Variants in UTP25 observed in about 807,000 individuals in gnomAD.
UTP25 encodes the protein U3 small nucleolar RNA-associated protein 25 homolog.
Under a neutral mutation model 78.9 loss-of-function variants are expected in UTP25, and 50 were observed. That is an observed-to-expected ratio of 0.63 (90% confidence interval 0.50 to 0.80). The LOEUF (loss-of-function observed/expected upper bound fraction) is 0.80. Ranked by LOEUF, UTP25 falls within the 30% of genes least tolerant of loss-of-function variation. UTP25 has a pLI of 0.00. For synonymous variants in UTP25, 329 were observed against 336.5 expected, an observed-to-expected ratio of 0.98 and a Z score of 0.24; for missense variants, 846 against 911.3, an observed-to-expected ratio of 0.93 and a Z score of 0.92.
At chr1:209,850,207 G>A (rs1318886990) in intron 11 of UTP25, among the ~76,000 whole-genome samples, 1 of 152,212 alleles carries the variant, frequency 6.6e-6, no homozygotes, top group Non-Finnish European at 1.5e-5. Context: ...AGCAGAAGTA[G>A]AACTCAGTGT....
At position 209,839,060 on chromosome 1, in the gene UTP25, C is replaced by T; in HGVS notation, c.1214C>T (p.Pro405Leu). ...EYGSDPEERP[P>L]NLKRPEDYEA... is the part of the protein sequence containing the mutation. ...GGATCAGATCCCGAGGAGAGACCAC[C>T]CAACTTGAAGAGGCCTGAGGATTAT... Residue 405 changes from proline to leucine, a missense_variant, in exon 7 of 12, where the codon CCC becomes CTC. By Grantham distance (98) the Pro-to-Leu change is moderately conservative. Coordinates refer to ENST00000491415, the MANE Select transcript of UTP25 (RefSeq NM_014388.7). The T allele has an allele frequency of 2.1e-5, 34 of 1,614,022 alleles. No individual in the cohort carries two copies. The highest frequency in any genetic ancestry group is 1.7e-4 in the Middle Eastern group (1 of 6,060).
intron 11 of UTP25, among the ~76,000 whole-genome samples, chr1:209,845,798 C>G (rs2078193557): frequency 9.7e-6 from 1 of 103,450 alleles, no homozygotes; most frequent in South Asian, 3.2e-4. Context: ...GTGTGCAGTG[C>G]CTTTGTGATT....
rs2078249503 is a variant in UTP25, at chr1:209,852,933, C to T, written c.*1486C>T. The T allele has an allele frequency of 1.3e-5, 2 of 152,204 alleles. No individual in the cohort carries two copies. Among genetic ancestry groups the T allele is most frequent in the African/African-American group, 4.8e-5 (2 of 41,446 alleles). The allele number at this position is 152,204 out of a possible 1,614,324, so 9.4% of individuals were successfully genotyped here. On this transcript the variant is annotated 3_prime_UTR_variant, in exon 12 of 12. Transcript: ENST00000491415. ...CACAGGATTGCTTCTCATTTTCTTT[C>T]CATATTGATAACTCCTTTCTCAGAC... is the stretch of plus-strand genomic sequence containing the variant.
At chr1:209,831,799 T>C (rs1450529160) in intron 3 of UTP25, among the ~76,000 whole-genome samples, 1 of 152,242 alleles carries the variant, frequency 6.6e-6, no homozygotes, top group African/African-American at 2.4e-5. Context: ...TAGAAATTCA[T>C]ATAAATTGAA....
rs2078275793 is a variant in UTP25, at chr1:209,856,347, A to G, written c.*4900A>G. On this transcript the variant is annotated 3_prime_UTR_variant, in exon 12 of 12. Transcript: ENST00000491415. ...CACCCCTTGCAGTAAAATGTGGCCCATGAGACAGAAGCACTAACTACTGAG... is the reference window on the plus strand; with the variant it reads ...CACCCCTTGCAGTAAAATGTGGCCCGTGAGACAGAAGCACTAACTACTGAG... The G allele has an allele frequency of 6.6e-6, 1 of 152,276 alleles. No homozygotes were observed. Among genetic ancestry groups the G allele is most frequent in the Non-Finnish European group, 1.5e-5 (1 of 68,068 alleles). The allele number at this position is 152,276 out of a possible 1,614,324, so 9.4% of individuals were successfully genotyped here.
In UTP25 at chr1:209,828,039, A is replaced by T. The variant is rs2078077980; in HGVS notation, c.-25A>T. On this transcript the variant is annotated 5_prime_UTR_variant, in exon 1 of 12. In the 5' UTR this introduces an upstream ATG that the reference lacks. Coordinates refer to ENST00000491415, the MANE Select transcript of UTP25 (RefSeq NM_014388.7). ...CTGGTGGAAAACCGCGACTCTTGCAAGTGGGCAAACTTGACGTTTTCGCTA... is the reference window on the plus strand; with the variant it reads ...CTGGTGGAAAACCGCGACTCTTGCATGTGGGCAAACTTGACGTTTTCGCTA... 1.3e-6 allele frequency: 2 copies of T among 1,598,778 alleles called. No individual in the cohort carries two copies. The highest frequency in any genetic ancestry group is 1.7e-4 in the Middle Eastern group (1 of 6,050).
Position 209,836,879 on chromosome 1 carries a change from T to C in UTP25, c.730T>C (p.Leu244=). ...ETFKPPKDID[L]KSLHLQKPLE... is the part of the protein sequence containing the mutation. The stretch of plus-strand genomic sequence containing the variant: ...ATTTAAACCCCCAAAGGATATTGAC[T>C]TAAAGTCACTTCATCTCCAGAAGCC... The change falls in exon 6 of 12, where the codon TTA becomes CTA. Residue 244 remains leucine, a synonymous_variant. Coordinates refer to ENST00000491415, the MANE Select transcript of UTP25 (RefSeq NM_014388.7). 1 of 1,614,112 alleles carries C rather than the reference T, an allele frequency of 6.2e-7. No individual in the cohort carries two copies. The highest frequency in any genetic ancestry group is 8.5e-7 in the Non-Finnish European group (1 of 1,180,014).
chr1:209,837,161 G>A lies in UTP25; in HGVS notation c.1012G>A (p.Gly338Arg). 6.2e-7 allele frequency: 1 copy of A among 1,614,124 alleles called. No homozygotes were observed. The highest frequency in any genetic ancestry group is 1.1e-5 in the South Asian group (1 of 91,082). The change falls in exon 6 of 12, where the codon GGA becomes AGA. Residue 338 changes from glycine to arginine, a missense_variant. Gly to Arg is a moderately radical substitution (Grantham distance 125). Transcript: ENST00000491415. ...TAGCAGACGCCGAAGCCAGAAGTTT[G>A]GAGTGGGTGATGATGATGACTTCAG... The part of the protein sequence containing the change: ...NNSRRRSQKF[G>R]VGDDDDFRDQ...
intron 11 of UTP25, among the ~76,000 whole-genome samples, chr1:209,848,775 G>A (rs1023110224): frequency 2.0e-5 from 3 of 152,176 alleles, no homozygotes; most frequent in African/African-American, 7.2e-5. Flanking sequence ...CTCATTGTTT[G>A]GATGTCTTTT....
intron 6 of UTP25, among the ~76,000 whole-genome samples, chr1:209,837,917 T>C (rs188812882): frequency 2.6e-5 from 4 of 152,340 alleles, no homozygotes; most frequent in African/African-American, 7.2e-5. Flanking sequence ...AATTTTCTCA[T>C]TGAGTTTAAT....
At position 209,851,572 on chromosome 1, in the gene UTP25, A is replaced by C; in HGVS notation, c.*125A>C. ...CAAAGAAAGTGCATGAGGCAATGTC[A>C]GTATTATCTGACATCTTTCTTTTCA... On this transcript the variant is annotated 3_prime_UTR_variant, in exon 12 of 12. Coordinates refer to ENST00000491415, the MANE Select transcript of UTP25 (RefSeq NM_014388.7). 4 of 1,247,820 alleles carry C rather than the reference A, an allele frequency of 3.2e-6. No homozygotes were observed. The highest frequency in any genetic ancestry group is 4.3e-6 in the Non-Finnish European group (4 of 921,348). The allele number at this position is 1,247,820 out of a possible 1,614,324, so 77.3% of individuals were successfully genotyped here. A position where few individuals can be genotyped will look rare whatever the true frequency, so the allele number is the denominator to read the frequency against.
intron 1 of UTP25, among the ~76,000 whole-genome samples, chr1:209,828,601 AC>A (rs1011846759): frequency 1.3e-4 from 19 of 148,868 alleles, no homozygotes; most frequent in African/African-American, 4.7e-4. Context: ...ATGGGGTTTC[AC>A]CATGTTGGCC....
rs573110317 is a variant in UTP25 at position 209,852,456 on chromosome 1, G to C, written c.*1009G>C. 4.6e-5 allele frequency: 7 copies of C among 152,268 alleles called. No individual in the cohort carries two copies. The South Asian group carries it at 1.5e-3, about 32-fold the overall frequency. 9.4% of individuals were successfully genotyped at this position (152,268 alleles called of 1,614,324 possible). A position where few individuals can be genotyped will look rare whatever the true frequency, so the allele number is the denominator to read the frequency against. ...CTGGTCCCAAGCATTTCAGATAAGA[G>C]ATATTCAACTCATCCTAGTATGGAC... On this transcript the variant is annotated 3_prime_UTR_variant, in exon 12 of 12. Coordinates refer to ENST00000491415, the MANE Select transcript of UTP25 (RefSeq NM_014388.7).
At position 209,856,616 on chromosome 1, in the gene UTP25, T is replaced by G. The variant is rs2078278032; in HGVS notation, c.*5169T>G. ...TGAACACACAAACACCTAATTTGTT[T>G]AAGCCATTAGGCCAGGCCTCTATTA... is the stretch of plus-strand genomic sequence containing the variant. On this transcript the variant is annotated 3_prime_UTR_variant, in exon 12 of 12. Transcript: ENST00000491415. 6.6e-6 allele frequency: 1 copy of G among 152,272 alleles called. No individual in the cohort carries two copies. Among genetic ancestry groups the G allele is most frequent in the South Asian group, 2.1e-4 (1 of 4,834 alleles). 9.4% of individuals were successfully genotyped at this position (152,272 alleles called of 1,614,324 possible). A position where few individuals can be genotyped will look rare whatever the true frequency, so the allele number is the denominator to read the frequency against.
chr1:209,844,309 A>G (rs532489069), intron 11 of UTP25: 1 of 152,356 alleles, frequency 6.6e-6, no homozygotes, highest in African/African-American at 2.4e-5. Context: ...CTTTGACAAA[A>G]TAAGTTGATT....
At position 209,835,386 on chromosome 1, in the gene UTP25, G is replaced by A. The variant is rs574585751; in HGVS notation, c.651+223G>A. Among the ~76,000 whole-genome samples the A allele has an allele frequency of 7.9e-5, 12 of 152,246 alleles. No individual in the cohort carries two copies. The South Asian group carries it at 1.9e-3, about 24-fold the overall frequency. On this transcript the variant is annotated intron_variant, in intron 5 of 11. Coordinates refer to ENST00000491415, the MANE Select transcript of UTP25 (RefSeq NM_014388.7). ...GTGGGTGCCAGATAATATAATGATG[G>A]GTAAGAGTGGATTTGGAGACCAACA...
intron 11 of UTP25, among the ~76,000 whole-genome samples, chr1:209,847,974 A>G (rs368858934): frequency 2.0e-5 from 3 of 152,192 alleles, no homozygotes; most frequent in Admixed American, 1.3e-4. Context: ...GAAGAGTCCA[A>G]TCTGGTTTCC....
At chr1:209,847,344 C>A (rs2078203360) in intron 11 of UTP25, among the ~76,000 whole-genome samples, 1 of 152,186 alleles carries the variant, frequency 6.6e-6, no homozygotes, top group Non-Finnish European at 1.5e-5. Flanking sequence ...CAGCTGTTCT[C>A]ATTTTATCAC....
chr1:209,857,180 T>C lies in UTP25; in HGVS notation c.*5733T>C, dbSNP rs531042390. The C allele has an allele frequency of 2.0e-5, 3 of 152,190 alleles. No homozygotes were observed. The South Asian group carries it at 6.2e-4, about 32-fold the overall frequency. The allele number at this position is 152,190 out of a possible 1,614,324, so 9.4% of individuals were successfully genotyped here. A position where few individuals can be genotyped will look rare whatever the true frequency, so the allele number is the denominator to read the frequency against. On this transcript the variant is annotated 3_prime_UTR_variant, in exon 12 of 12. Coordinates refer to ENST00000491415, the MANE Select transcript of UTP25 (RefSeq NM_014388.7). Reference sequence around the variant, plus strand: ...GGCTTTTCTAATCATCTCTGATTGTTAGAAACACTGTGAAACTTTTATCCA... The same window carrying C: ...GGCTTTTCTAATCATCTCTGATTGTCAGAAACACTGTGAAACTTTTATCCA...
Sources: gnomAD v4.1 joint callset for allele counts (sites outside exome capture counted in the v4.1 genomes callset) on GRCh38, gnomAD v4.1.1 for gene constraint, MANE v1.5 for transcripts, NCBI Gene and HGNC (gene_info 2026-07-23, HGNC 2026-07-21) for gene names.